Variants in OPA1 observed in about 807,000 individuals in gnomAD.
OPA1 encodes OPA1 mitochondrial dynamin like GTPase.
Under a neutral mutation model 152.9 loss-of-function variants are expected in OPA1, and 59 were observed. That is an observed-to-expected ratio of 0.39 (90% CI 0.31 to 0.48). OPA1 has a LOEUF of 0.48. OPA1 is among the 20% of genes least tolerant of loss of function. The pLI is 0.96. For synonymous variants in OPA1, 400 were observed against 389.9 expected, an observed-to-expected ratio of 1.03 and a Z score of -0.31; for missense variants, 1,008 against 1,216.8, an observed-to-expected ratio of 0.83 and a Z score of 2.55.
intron 28 of OPA1, 98 bp from the exon 29 acceptor site, chr3:193,667,072 G>A (rs1437380260): frequency 1.4e-6 from 1 of 701,978 alleles, no homozygotes; most frequent in Non-Finnish European, 2.6e-6. Context: ...GTTCTAACAT[G>A]ATAAAAAATT....
chr3:193,615,003 C>G lies in OPA1; in HGVS notation c.313C>G (p.Leu105Val). The G allele has an allele frequency of 6.2e-7, 1 of 1,614,194 alleles. No homozygotes were observed. Among genetic ancestry groups the G allele is most frequent in the Non-Finnish European group, 8.5e-7 (1 of 1,180,020 alleles). ...ACTCTTAAAACTTCGCTATCTCATACTAGGATCGGCTGTTGGGGGTGGCTA... is the reference window on the plus strand; with the variant it reads ...ACTCTTAAAACTTCGCTATCTCATAGTAGGATCGGCTGTTGGGGGTGGCTA... ...TRLLKLRYLILGSAVGGGYTA... is the reference protein window; with the variant it reads ...TRLLKLRYLIVGSAVGGGYTA... The change falls in exon 2 of 31, where the codon CTA becomes GTA. Residue 105 changes from leucine (L) to valine (V), a missense_variant. By Grantham distance (32) the Leu-to-Val change is conservative. Coordinates refer to ENST00000361510, the MANE Select transcript of OPA1 (RefSeq NM_130837.3).
intron 3 of OPA1, among the ~76,000 whole-genome samples, chr3:193,616,906 TGAG>T (rs1729106838): frequency 6.6e-6 from 1 of 152,252 alleles, no homozygotes; most frequent in Non-Finnish European, 1.5e-5. Context: ...CTAATATTAA[TGAG>T]GAGAGCTTTC....
At chr3:193,674,577 A>G (rs1577360989) in intron 29 of OPA1, among the ~76,000 whole-genome samples, 1 of 152,248 alleles carries the variant, frequency 6.6e-6, no homozygotes. Flanking sequence ...TAGGATAGTT[A>G]TAAGAAATCT....
intron 22 of OPA1, among the ~76,000 whole-genome samples, chr3:193,656,578 A>C (rs370936955): frequency 1.8e-4 from 27 of 152,328 alleles, no homozygotes; most frequent in African/African-American, 6.0e-4. Flanking sequence ...TGACTGAATC[A>C]TTAAGACATT....
rs113407724 is a variant in OPA1 at position 193,629,708 on chromosome 3, A to G, written c.790-1904A>G. ...ATATTTGTAATATTCTACTAACCTT[A>G]TATCATTTTAACTTTTTATATAACT... On this transcript the variant is annotated intron_variant, in intron 7 of 30. Coordinates refer to ENST00000361510, the MANE Select transcript of OPA1 (RefSeq NM_130837.3). 3.3e-5 allele frequency among the ~76,000 whole-genome samples: 5 copies of G among 152,224 alleles called. 1 individual carries two copies. Among genetic ancestry groups the G allele is most frequent in the African/African-American group, 9.6e-5 (4 of 41,546 alleles).
intron 6 of OPA1, 180 bp from the exon 7 acceptor site, chr3:193,625,912 T>G: frequency 1.7e-6 from 1 of 605,250 alleles, no homozygotes; most frequent in Admixed American, 2.7e-5. Flanking sequence ...TCTGATTTAC[T>G]GAGGAGGAAA....
chr3:193,642,675 G>A, intron 11 of OPA1, 90 bp from the exon 12 acceptor site: 1 of 947,258 alleles, frequency 1.1e-6, no homozygotes, highest in Non-Finnish European at 1.7e-6. Context: ...TTTGTGCAAT[G>A]CAGTAGCCCT....
At chr3:193,685,928 G>A (rs972367550) in intron 29 of OPA1, among the ~76,000 whole-genome samples, 5 of 152,022 alleles carry the variant, frequency 3.3e-5, no homozygotes, top group African/African-American at 7.3e-5. Context: ...GGTTAACGGC[G>A]AATACAACAT....
chr3:193,652,382 A>AAAAC (rs1712710888), intron 21 of OPA1, among the ~76,000 whole-genome samples: 5 of 151,714 alleles, frequency 3.3e-5, no homozygotes, highest in Admixed American at 2.6e-4. Context: ...ACCCTGTCTG[A>AAAAC]AAACAAACAA....
intron 1 of OPA1, among the ~76,000 whole-genome samples, chr3:193,598,905 G>A (rs1196825545): frequency 6.6e-6 from 1 of 152,132 alleles, no homozygotes; most frequent in Non-Finnish European, 1.5e-5. Context: ...TTGAAAGAAG[G>A]GTGAGCTAAA....
At chr3:193,656,902 G>C (rs528125951) in intron 22 of OPA1, among the ~76,000 whole-genome samples, 178 bp from the exon 23 acceptor site, 1 of 152,138 alleles carries the variant, frequency 6.6e-6, no homozygotes, top group African/African-American at 2.4e-5. Flanking sequence ...CCAGCAACCC[G>C]TGTGAGACCT....
At chr3:193,604,601 C>A (rs1244036008) in intron 1 of OPA1, among the ~76,000 whole-genome samples, 2 of 152,174 alleles carry the variant, frequency 1.3e-5, no homozygotes, top group Non-Finnish European at 2.9e-5. Context: ...TGGCTAACGC[C>A]TGTAATCCCA....
chr3:193,643,456 C>G lies in OPA1; in HGVS notation c.1377+12C>G. The G allele has an allele frequency of 1.9e-6, 3 of 1,607,538 alleles. No individual in the cohort carries two copies. Among genetic ancestry groups the G allele is most frequent in the Non-Finnish European group, 2.6e-6 (3 of 1,174,152 alleles). The stretch of plus-strand genomic sequence containing the variant: ...CAGGTGTGATTAATGTAAGTATATA[C>G]AAAACATGTATTTTATTTTATTCTT... On this transcript the variant is annotated intron_variant, in intron 14 of 30. Coordinates refer to ENST00000361510, the MANE Select transcript of OPA1 (RefSeq NM_130837.3).
chr3:193,643,719 A>G, intron 15 of OPA1, 92 bp downstream of exon 15: 2 of 1,159,858 alleles, frequency 1.7e-6, no homozygotes, highest in Non-Finnish European at 2.5e-6. Context: ...ATGTAAACAT[A>G]CAAGATAAAT....
chr3:193,674,586 C>G (rs1718583398), intron 29 of OPA1, among the ~76,000 whole-genome samples: 1 of 152,312 alleles, frequency 6.6e-6, no homozygotes, highest in South Asian at 2.1e-4. Flanking sequence ...TATAAGAAAT[C>G]TCTATGCCAT....
At chr3:193,664,050 A>T (rs1715946223) in intron 26 of OPA1, among the ~76,000 whole-genome samples, 2 of 151,928 alleles carry the variant, frequency 1.3e-5, no homozygotes, top group South Asian at 4.1e-4. Flanking sequence ...TTTTTTTTTT[A>T]AACTTTTTGC....
At chr3:193,639,028 A>T (rs1307920761) in intron 11 of OPA1, among the ~76,000 whole-genome samples, 2 of 152,176 alleles carry the variant, frequency 1.3e-5, no homozygotes, top group African/African-American at 4.8e-5. Context: ...TGCAAGAGAG[A>T]GGGAAAATTG....
intron 21 of OPA1, among the ~76,000 whole-genome samples, chr3:193,649,244 A>C (rs1711805836): frequency 6.6e-6 from 1 of 152,168 alleles, no homozygotes; most frequent in African/African-American, 2.4e-5. Context: ...TCTGAGTAAG[A>C]ACAGTTAGTG....
At chr3:193,618,218 C>A (rs1310222325) in intron 5 of OPA1, among the ~76,000 whole-genome samples, 2 of 152,134 alleles carry the variant, frequency 1.3e-5, no homozygotes, top group African/African-American at 4.8e-5. Flanking sequence ...GTGGCTCATG[C>A]CTGTAATCCC....
Sources: allele counts gnomAD v4.1 joint callset (sites outside exome capture counted in the v4.1 genomes callset), GRCh38; gene constraint gnomAD v4.1.1; transcripts MANE v1.5; gene names NCBI Gene and HGNC (gene_info 2026-07-23, HGNC 2026-07-21).